The following RAB5A variants were observed in gnomAD, a reference collection of about 807,000 sequenced individuals.
The protein encoded by RAB5A is RAB5A, member RAS oncogene family.
RAB5A carries 8 observed loss-of-function variants against 25.7 expected under a neutral mutation model. That is an observed-to-expected ratio of 0.31 (90% CI 0.18 to 0.56). RAB5A has a LOEUF of 0.56. Ranked by LOEUF, RAB5A falls within the 20% of genes least tolerant of loss-of-function variation. The probability of loss-of-function intolerance (pLI) is 0.91; values close to 1 mark genes in which losing one functional copy is unlikely to be tolerated. For synonymous variants in RAB5A, 98 were observed against 89.8 expected, an observed-to-expected ratio of 1.09 and a Z score of -0.52; for missense variants, 192 against 259.7, an observed-to-expected ratio of 0.74 and a Z score of 1.79.
intron 2 of RAB5A, among the ~76,000 whole-genome samples, chr3:19,961,930 G>T (rs531801295): frequency 1.3e-5 from 2 of 152,272 alleles, no homozygotes; most frequent in African/African-American, 4.8e-5. Context: ...CCTCCAAAAT[G>T]TAGAGACTTA....
At chr3:19,954,436 T>C (rs886230084) in intron 2 of RAB5A, among the ~76,000 whole-genome samples, 3 of 152,242 alleles carry the variant, frequency 2.0e-5, no homozygotes, top group Non-Finnish European at 4.4e-5. Flanking sequence ...TGTTACACTC[T>C]TGATTTGTGG....
chr3:19,948,170 A>G (rs940613593), intron 1 of RAB5A, among the ~76,000 whole-genome samples: 1 of 152,164 alleles, frequency 6.6e-6, no homozygotes, highest in African/African-American at 2.4e-5. Context: ...GAGACCATGG[A>G]ACTTGCTCTG....
At chr3:19,978,252 G>T (rs183629322) in intron 4 of RAB5A, 58 bp from the exon 5 acceptor site, 1 of 1,087,066 alleles carries the variant, frequency 9.2e-7, no homozygotes, top group Non-Finnish European at 1.4e-6. Flanking sequence ...TTTAAAGCAG[G>T]TGTAGTGTAT....
At position 19,973,440 on chromosome 3, in the gene RAB5A, G is replaced by A. The variant is rs150672140; in HGVS notation, c.164-2161G>A. 5.9e-3 allele frequency among the ~76,000 whole-genome samples: 865 copies of A among 146,440 alleles called. 7 individuals carry two copies. Among genetic ancestry groups the A allele is most frequent in the African/African-American group, 0.021 (823 of 39,886 alleles). On this transcript the variant is annotated intron_variant, in intron 2 of 5. Coordinates refer to ENST00000273047, the MANE Select transcript of RAB5A (RefSeq NM_004162.5). Reference sequence around the variant, plus strand: ...ACTTGAAAAAAGGCTTATGTATTGTGACTTATTTTCCTCTTTTCCTTTTTG... The same window carrying A: ...ACTTGAAAAAAGGCTTATGTATTGTAACTTATTTTCCTCTTTTCCTTTTTG...
At chr3:19,970,539 C>T (rs958631433) in intron 2 of RAB5A, 18 of 456,480 alleles carry the variant, frequency 3.9e-5, no homozygotes, top group African/African-American at 1.8e-4. Context: ...CTTGTCATCG[C>T]GTACACAGTA....
chr3:19,962,401 C>T (rs1477459009), intron 2 of RAB5A, among the ~76,000 whole-genome samples: 1 of 152,110 alleles, frequency 6.6e-6, no homozygotes, highest in Non-Finnish European at 1.5e-5. Flanking sequence ...AACCCCTTCT[C>T]TACTAAAAAT....
At chr3:19,983,666 T>G in intron 5 of RAB5A, 42 bp from the exon 6 acceptor site, 4 of 1,275,108 alleles carry the variant, frequency 3.1e-6, no homozygotes, top group Non-Finnish European at 4.5e-6. Context: ...GATATTAATA[T>G]GAGTATTCAA....
chr3:19,952,558 C>T (rs532008131), intron 2 of RAB5A, among the ~76,000 whole-genome samples: 1 of 152,196 alleles, frequency 6.6e-6, no homozygotes, highest in African/African-American at 2.4e-5. Flanking sequence ...ATCTTAGACC[C>T]ATTCTAGTAA....
In RAB5A at chr3:19,984,948, T is replaced by C. The variant is rs1697004609; in HGVS notation, c.*1125T>C. 6.4e-6 allele frequency: 1 copy of C among 155,568 alleles called. No individual in the cohort carries two copies. The highest frequency in any genetic ancestry group is 6.5e-5 in the Admixed American group (1 of 15,486). 9.6% of individuals were successfully genotyped at this position (155,568 alleles called of 1,614,324 possible). A position where few individuals can be genotyped will look rare whatever the true frequency, so the allele number is the denominator to read the frequency against. ...GTTAGTAACAATCTTGCAGCCTTCC[T>C]TTCCAAAGTTCATTTTATTTTGATC... On this transcript the variant is annotated 3_prime_UTR_variant, in exon 6 of 6. Transcript: ENST00000273047.
chr3:19,961,958 C>G (rs893756704), intron 2 of RAB5A, among the ~76,000 whole-genome samples: 1 of 152,172 alleles, frequency 6.6e-6, no homozygotes, highest in Non-Finnish European at 1.5e-5. Context: ...TTTGTCATCT[C>G]CATGGTTCTG....
chr3:19,963,731 A>G (rs529876097), intron 2 of RAB5A, among the ~76,000 whole-genome samples: 1 of 151,944 alleles, frequency 6.6e-6, no homozygotes, highest in South Asian at 2.1e-4. Flanking sequence ...TGCAGCCTCC[A>G]CCCCCTGGGC....
intron 4 of RAB5A, among the ~76,000 whole-genome samples, 154 bp from the exon 5 acceptor site, chr3:19,978,156 G>T (rs1346853161): frequency 1.3e-5 from 2 of 152,202 alleles, no homozygotes; most frequent in Non-Finnish European, 2.9e-5. Context: ...TCTTACCTCT[G>T]TTGTAGCTTA....
intron 2 of RAB5A, 42 bp downstream of exon 2, chr3:19,951,103 A>G (rs1309660106): frequency 1.9e-6 from 3 of 1,587,462 alleles, no homozygotes; most frequent in Admixed American, 3.4e-5. Context: ...ATCGAATCAT[A>G]CATTGACAGA....
chr3:19,960,587 C>T (rs866437027), intron 2 of RAB5A, among the ~76,000 whole-genome samples: 2 of 152,326 alleles, frequency 1.3e-5, no homozygotes, highest in Admixed American at 6.5e-5. Flanking sequence ...AGGCGTAAGC[C>T]ACTTTTTCAG....
At chr3:19,976,861 T>G (rs185095920) in intron 4 of RAB5A, among the ~76,000 whole-genome samples, 1 of 152,140 alleles carries the variant, frequency 6.6e-6, no homozygotes, top group Non-Finnish European at 1.5e-5. Flanking sequence ...CAAACACTTA[T>G]GTGGTTGTTC....
chr3:19,956,325 G>A (rs1040261952), intron 2 of RAB5A, among the ~76,000 whole-genome samples: 19 of 152,112 alleles, frequency 1.2e-4, no homozygotes, highest in African/African-American at 4.6e-4. Flanking sequence ...GTGGTGGTGG[G>A]TGCCTATAAC....
At chr3:19,973,127 C>A (rs1287153314) in intron 2 of RAB5A, among the ~76,000 whole-genome samples, 2 of 152,158 alleles carry the variant, frequency 1.3e-5, no homozygotes, top group African/African-American at 4.8e-5. Flanking sequence ...GTTATATACA[C>A]ATACTTTGCA....
At chr3:19,953,566 C>G (rs1309242050) in intron 2 of RAB5A, among the ~76,000 whole-genome samples, 5 of 152,084 alleles carry the variant, frequency 3.3e-5, no homozygotes, top group African/African-American at 1.2e-4. Flanking sequence ...AGCCACCACT[C>G]CTGGCCAATT....
chr3:19,983,658 T>C, intron 5 of RAB5A, 50 bp from the exon 6 acceptor site: 1 of 1,213,736 alleles, frequency 8.2e-7, no homozygotes, highest in Non-Finnish European at 1.2e-6. Context: ...GTGAAACTGA[T>C]ATTAATATGA....
Sources: gnomAD v4.1 joint callset for allele counts (sites outside exome capture counted in the v4.1 genomes callset) on GRCh38, gnomAD v4.1.1 for gene constraint, MANE v1.5 for transcripts, NCBI Gene and HGNC (gene_info 2026-07-23, HGNC 2026-07-21) for gene names.